The following JADE2 variants were observed in gnomAD, a reference collection of about 807,000 sequenced individuals.
The protein encoded by JADE2 is jade family PHD finger 2.
Under a neutral mutation model 85.7 loss-of-function variants are expected in JADE2, and 13 were observed. The observed-to-expected ratio is 0.15, with a 90% CI of 0.10 to 0.24. The LOEUF (loss-of-function observed/expected upper bound fraction) is 0.24. Among genes scored for constraint, JADE2 ranks in the 10% least tolerant of loss-of-function variants. The pLI, the probability that JADE2 is intolerant of heterozygous loss-of-function variation, is 1.00. For missense variants in JADE2, 846 were observed against 1,115.9 expected (o/e 0.76, Z 3.45); for synonymous variants, 440 against 456.1 (o/e 0.96, Z 0.45).
At position 134,582,730 on chromosome 5, in the gene JADE2, T is replaced by C. The variant is rs1313970584; in HGVS notation, c.*3413T>C. The C allele has an allele frequency of 1.3e-5, 2 of 152,656 alleles. No individual in the cohort carries two copies. Among genetic ancestry groups the C allele is most frequent in the African/African-American group, 4.8e-5 (2 of 41,462 alleles). The allele number at this position is 152,656 out of a possible 1,614,324, so 9.5% of individuals were successfully genotyped here. On this transcript the variant is annotated 3_prime_UTR_variant, in exon 12 of 12. Coordinates refer to ENST00000681547, the MANE Select transcript of JADE2 (RefSeq NM_001388185.1). Reference sequence around the variant, plus strand: ...CTCCCTCAGAGGCACAAACACTTTGTGTTCCACGTCAGTTTGAGGGGACGG... The same window carrying C: ...CTCCCTCAGAGGCACAAACACTTTGCGTTCCACGTCAGTTTGAGGGGACGG...
chr5:134,557,135 GTTT>G (rs1390804183), intron 4 of JADE2, among the ~76,000 whole-genome samples: 2 of 152,008 alleles, frequency 1.3e-5, no homozygotes, highest in Non-Finnish European at 2.9e-5. Flanking sequence ...TTTCCTAAGA[GTTT>G]TGCAAACTTA....
At chr5:134,569,340 A>T (rs1763848758) in intron 9 of JADE2, among the ~76,000 whole-genome samples, 1 of 152,190 alleles carries the variant, frequency 6.6e-6, no homozygotes, top group Non-Finnish European at 1.5e-5. Context: ...TCAGCCAGGC[A>T]GGGGTTTTGC....
chr5:134,548,354 A>G (rs942007818), intron 3 of JADE2, among the ~76,000 whole-genome samples: 1 of 152,144 alleles, frequency 6.6e-6, no homozygotes, highest in Non-Finnish European at 1.5e-5. Context: ...TGGGTGGGTG[A>G]TTTAATTAAC....
In JADE2 at chr5:134,579,608, G is replaced by A; in HGVS notation, c.*291G>A. The A allele has an allele frequency of 2.6e-6, 1 of 381,040 alleles. No homozygotes were observed. Among genetic ancestry groups the A allele is most frequent in the Non-Finnish European group, 4.8e-6 (1 of 209,504 alleles). 23.6% of individuals were successfully genotyped at this position (381,040 alleles called of 1,614,324 possible). On this transcript the variant is annotated 3_prime_UTR_variant, in exon 12 of 12. Transcript: ENST00000681547. The surrounding 1 kb of genome is among the most constrained non-coding windows in gnomAD (Gnocchi z 4.6). ...GGTATTGCTGGGCTCCTGGCTAGAT[G>A]CAAGCAAGGTGGACAAGAGCTCAGG...
intron 3 of JADE2, among the ~76,000 whole-genome samples, chr5:134,546,408 C>A (rs1762295487): frequency 6.6e-6 from 1 of 152,208 alleles, no homozygotes; most frequent in South Asian, 2.1e-4. Context: ...CAGTGATAAA[C>A]AGGACATATG....
In JADE2 at chr5:134,578,912, G is replaced by A. The variant is rs114578929; in HGVS notation, c.2100G>A (p.Pro700=). 1.4e-4 allele frequency: 231 copies of A among 1,613,792 alleles called. 3 individuals are homozygous for A. In the African/African-American group the frequency reaches 1.5e-3, roughly 11 times the overall value. The part of the protein sequence containing the change: ...KPPRRTSSHL[P]SSPAAGDCPI... ...CACGTCGGACATCTTCTCACTTGCC[G>A]TCCAGCCCTGCAGCCGGGGACTGTC... Residue 700 remains proline, a synonymous_variant, in exon 12 of 12, where the codon CCG becomes CCA. Coordinates refer to ENST00000681547, the MANE Select transcript of JADE2 (RefSeq NM_001388185.1). The surrounding 1 kb of genome is among the most constrained non-coding windows in gnomAD (Gnocchi z 4.4).
chr5:134,563,955 C>T lies in JADE2; in HGVS notation c.853-539C>T, dbSNP rs546751586. 3.3e-5 allele frequency among the ~76,000 whole-genome samples: 5 copies of T among 152,272 alleles called. No individual in the cohort carries two copies. The East Asian group carries it at 9.6e-4, about 29-fold the overall frequency. ...GACTTGGGCATAGTTGTAGGGCTGT[C>T]CCCATAGGAAGGGCTCAGCAAAGGC... On this transcript the variant is annotated intron_variant, in intron 7 of 11. Coordinates refer to ENST00000681547, the MANE Select transcript of JADE2 (RefSeq NM_001388185.1).
chr5:134,578,599 T>A lies in JADE2; in HGVS notation c.1787T>A (p.Leu596Gln). 2 of 1,614,112 alleles carry A rather than the reference T, an allele frequency of 1.2e-6. No individual in the cohort carries two copies. Among genetic ancestry groups the A allele is most frequent in the Non-Finnish European group, 1.7e-6 (2 of 1,180,010 alleles). Reference protein sequence around the residue: ...AENMAMSEWPLNNGHREDPAP... With the variant: ...AENMAMSEWPQNNGHREDPAP... ...AACATGGCCATGAGCGAGTGGCCAC[T>A]GAACAATGGGCACCGCGAGGACCCT... Residue 596 changes from leucine to glutamine, a missense_variant, in exon 12 of 12, where the codon CTG (leucine) becomes CAG (glutamine). By Grantham distance (113) the Leu-to-Gln change is moderately radical (BLOSUM62 -2). This residue lies in a region of JADE2 where 119 missense variants were observed against 163.9 expected (regional missense o/e 0.73). Coordinates refer to ENST00000681547, the MANE Select transcript of JADE2 (RefSeq NM_001388185.1). The surrounding 1 kb of genome is among the most constrained non-coding windows in gnomAD (Gnocchi z 4.4).
intron 10 of JADE2, chr5:134,574,141 C>T (rs770960224): frequency 3.0e-6 from 1 of 328,028 alleles, no homozygotes; most frequent in Non-Finnish European, 5.8e-6. Context: ...TTCCCTGAAC[C>T]CTGGTGTGCC....
In JADE2 at chr5:134,571,500, T is replaced by A. The variant is rs138938722; in HGVS notation, c.1435-2145T>A. 6.6e-5 allele frequency among the ~76,000 whole-genome samples: 10 copies of A among 152,050 alleles called. 1 individual carries two copies. Among genetic ancestry groups the A allele is most frequent in the Admixed American group, 5.9e-4 (9 of 15,270 alleles). On this transcript the variant is annotated intron_variant, in intron 9 of 11. Coordinates refer to ENST00000681547, the MANE Select transcript of JADE2 (RefSeq NM_001388185.1). The stretch of plus-strand genomic sequence containing the variant: ...GATCAGGAGGTCAGGAGTTCAAGAC[T>A]AGCCTGGCCAACATGGTGAAACCCC...
chr5:134,556,287 C>G (rs1762909140), intron 4 of JADE2, among the ~76,000 whole-genome samples: 1 of 152,214 alleles, frequency 6.6e-6, no homozygotes, highest in East Asian at 1.9e-4. Context: ...GAAGAGCTGG[C>G]TTTTTGAACT....
In JADE2 at chr5:134,566,177, A is replaced by T; in HGVS notation, c.1031A>T (p.Glu344Val). 2 of 1,614,032 alleles carry T rather than the reference A, an allele frequency of 1.2e-6. No individual in the cohort carries two copies. Among genetic ancestry groups the T allele is most frequent in the East Asian group, 2.2e-5 (1 of 44,836 alleles). Residue 344 changes from glutamate to valine, a missense_variant, in exon 9 of 12, where the codon GAA (glutamate) becomes GTA (valine). Coordinates refer to ENST00000681547, the MANE Select transcript of JADE2 (RefSeq NM_001388185.1). The surrounding 1 kb of genome is among the most constrained non-coding windows in gnomAD (Gnocchi z 6.7). ...HVTCAFDHGL[E>V]MRTILADNDE... ...ACATGCGCCTTTGACCACGGCCTGG[A>T]AATGCGGACTATATTAGCAGACAAC...
intron 9 of JADE2, among the ~76,000 whole-genome samples, chr5:134,568,445 G>A (rs1279068617): frequency 6.6e-6 from 1 of 152,238 alleles, no homozygotes; most frequent in Non-Finnish European, 1.5e-5. Flanking sequence ...GGTGGAGCCT[G>A]GGGCTGAGGT....
At chr5:134,570,605 G>T (rs1372886627) in intron 9 of JADE2, among the ~76,000 whole-genome samples, 4 of 152,132 alleles carry the variant, frequency 2.6e-5, no homozygotes, top group Admixed American at 2.6e-4. Context: ...TGGGCTGCCT[G>T]CAGCCTCCCT....
intron 6 of JADE2, 67 bp downstream of exon 6, chr5:134,561,024 A>C: frequency 1.4e-6 from 2 of 1,407,412 alleles, no homozygotes; most frequent in Non-Finnish European, 2.0e-6. Context: ...AGCGACCCCC[A>C]CTTGGCTCTC....
chr5:134,554,117 C>G (rs1246940416), intron 4 of JADE2, among the ~76,000 whole-genome samples: 3 of 152,288 alleles, frequency 2.0e-5, no homozygotes, highest in South Asian at 2.1e-4. Context: ...GTTACCTCCC[C>G]TGACGTTGGC....
intron 3 of JADE2, among the ~76,000 whole-genome samples, chr5:134,551,275 C>T (rs1762576839): frequency 6.6e-6 from 1 of 152,120 alleles, no homozygotes; most frequent in African/African-American, 2.4e-5. Context: ...GTCACTCAGG[C>T]TGGAGTGCAG....
At position 134,562,408 on chromosome 5, in the gene JADE2, G is replaced by C; in HGVS notation, c.852+41G>C. 1 of 1,559,574 alleles carries C rather than the reference G, an allele frequency of 6.4e-7. No homozygotes were observed. Among genetic ancestry groups the C allele is most frequent in the Non-Finnish European group, 8.8e-7 (1 of 1,142,604 alleles). ...GGTGAGGCAGCCCAAGGAATAGCCC[G>C]TGGGGAAGTGGGTCTGCATGGGACT... On this transcript the variant is annotated intron_variant, in intron 7 of 11. Coordinates refer to ENST00000681547, the MANE Select transcript of JADE2 (RefSeq NM_001388185.1). This position sits in a 1 kb window ranked among gnomAD's most constrained non-coding sequence, Gnocchi z 4.6.
At chr5:134,565,706 G>A (rs1763597959) in intron 8 of JADE2, among the ~76,000 whole-genome samples, 1 of 152,084 alleles carries the variant, frequency 6.6e-6, no homozygotes, top group Non-Finnish European at 1.5e-5. Context: ...GGTGGTGCAT[G>A]CCTGTAGCCC....
Sources: allele counts gnomAD v4.1 joint callset (sites outside exome capture counted in the v4.1 genomes callset), GRCh38; gene constraint gnomAD v4.1.1; regional missense constraint gnomAD v4.1.1; non-coding constraint Gnocchi (gnomAD v3.1); transcripts MANE v1.5; gene names NCBI Gene and HGNC (gene_info 2026-07-23, HGNC 2026-07-21).